The following MEGF10 variants were observed in gnomAD, a reference collection of about 807,000 sequenced individuals.
The protein encoded by MEGF10 is multiple epidermal growth factor-like domains protein 10.
Under a neutral mutation model 147.5 loss-of-function variants are expected in MEGF10, and 86 were observed. The observed-to-expected ratio is 0.58, with a 90% CI of 0.49 to 0.70. The LOEUF is 0.70. Ranked by LOEUF, MEGF10 falls within the 30% of genes least tolerant of loss-of-function variation. MEGF10 has a pLI of 0.00. For synonymous variants in MEGF10, 478 were observed against 525.5 expected (o/e 0.91, Z 1.24); for missense variants, 1,329 against 1,487.3 (o/e 0.89, Z 1.75).
rs191176629 is a variant in MEGF10, at chr5:127,360,299, A to G, written c.320-9611A>G. Among the ~76,000 whole-genome samples the G allele has an allele frequency of 2.0e-5, 3 of 152,170 alleles. No homozygotes were observed. In the East Asian group the frequency reaches 5.8e-4, roughly 29 times the overall value. Reference sequence around the variant, plus strand: ...TTCAATTTCTGATTGTTGCTAATATATAGAAATATAATTGAGGTTTTGCGT... The same window carrying G: ...TTCAATTTCTGATTGTTGCTAATATGTAGAAATATAATTGAGGTTTTGCGT... On this transcript the variant is annotated intron_variant, in intron 4 of 24. Transcript: ENST00000503335.
At chr5:127,356,564 G>A (rs1046657745) in intron 4 of MEGF10, among the ~76,000 whole-genome samples, 1 of 152,176 alleles carries the variant, frequency 6.6e-6, no homozygotes, top group African/African-American at 2.4e-5. Context: ...TAAAGATATG[G>A]CCATCAAAGT....
chr5:127,238,787 T>C, the MEGF10 span, among the ~76,000 whole-genome samples: 2 of 152,252 alleles, frequency 1.3e-5, no homozygotes, highest in Non-Finnish European at 2.9e-5. Context: ...AAGTTTTGTC[T>C]GTATAAATGA....
intron 1 of MEGF10, among the ~76,000 whole-genome samples, chr5:127,297,110 G>A (rs974552089): frequency 9.9e-5 from 15 of 152,148 alleles, no homozygotes; most frequent in African/African-American, 3.6e-4. Context: ...GGGATTACAG[G>A]CATGTGTCAA....
the MEGF10 span, among the ~76,000 whole-genome samples, chr5:127,237,824 C>T: frequency 2.0e-5 from 3 of 152,014 alleles, no homozygotes; most frequent in Non-Finnish European, 4.4e-5. Flanking sequence ...CTTCTCCCTG[C>T]TCCCTTCCTC....
the MEGF10 span, among the ~76,000 whole-genome samples, chr5:127,238,913 A>G: frequency 6.6e-6 from 1 of 152,150 alleles, no homozygotes; most frequent in Admixed American, 6.5e-5. Flanking sequence ...TGAACTCAAT[A>G]GGTTAGAAAA....
intron 4 of MEGF10, among the ~76,000 whole-genome samples, chr5:127,360,774 G>A (rs1240988702): frequency 6.6e-6 from 1 of 150,986 alleles, no homozygotes; most frequent in Non-Finnish European, 1.5e-5. Context: ...GGTCTACTTA[G>A]GTTATATATA....
At chr5:127,348,984 G>A (rs908226019) in intron 4 of MEGF10, among the ~76,000 whole-genome samples, 12 of 151,914 alleles carry the variant, frequency 7.9e-5, no homozygotes, top group East Asian at 3.9e-4. Context: ...TAATTCCAGC[G>A]CTTTGAAAGG....
At chr5:127,304,964 T>C (rs996511802) in intron 1 of MEGF10, among the ~76,000 whole-genome samples, 1 of 152,214 alleles carries the variant, frequency 6.6e-6, no homozygotes, top group African/African-American at 2.4e-5. Context: ...ACCCTGTCTA[T>C]GGTATTTTGT....
At chr5:127,386,784 A>G (rs1763451437) in intron 5 of MEGF10, among the ~76,000 whole-genome samples, 1 of 152,214 alleles carries the variant, frequency 6.6e-6, no homozygotes, top group Admixed American at 6.5e-5. Context: ...AGCTTCATAC[A>G]CAGTTGGAGG....
At chr5:127,417,180 A>C (rs1181446464) in intron 9 of MEGF10, among the ~76,000 whole-genome samples, 1 of 152,204 alleles carries the variant, frequency 6.6e-6, no homozygotes, top group East Asian at 1.9e-4. Context: ...CTGCTGTTTC[A>C]GGTGGAGACA....
chr5:127,397,065 G>A (rs962421712), intron 6 of MEGF10, among the ~76,000 whole-genome samples: 1 of 152,138 alleles, frequency 6.6e-6, no homozygotes, highest in African/African-American at 2.4e-5. Flanking sequence ...GTGTTGAATG[G>A]CACTATTTGG....
At position 127,340,548 on chromosome 5, in the gene MEGF10, C is replaced by A. The variant is rs1761640609; in HGVS notation, c.237C>A (p.Ala79=). Residue 79 remains alanine (A), a synonymous_variant, in exon 4 of 25, where the codon GCC becomes GCA. Transcript: ENST00000503335. ...TCTATAGAGTCAGCTATCGGACAGCCTATCGACATGGGGAGAAGACTATGT... is the reference window on the plus strand; with the variant it reads ...TCTATAGAGTCAGCTATCGGACAGCATATCGACATGGGGAGAAGACTATGT... The part of the protein sequence containing the change: ...CTRHRVSYRT[A]YRHGEKTMYR... 2 of 1,612,652 alleles carry A rather than the reference C, an allele frequency of 1.2e-6. No homozygotes were observed. Among genetic ancestry groups the A allele is most frequent in the Non-Finnish European group, 1.7e-6 (2 of 1,178,976 alleles).
chr5:127,319,897 A>T (rs1760725217), intron 1 of MEGF10, among the ~76,000 whole-genome samples: 1 of 152,178 alleles, frequency 6.6e-6, no homozygotes, highest in Admixed American at 6.5e-5. Flanking sequence ...GACTGACAGG[A>T]TCTTGAATTT....
At chr5:127,360,137 T>C (rs1263056841) in intron 4 of MEGF10, among the ~76,000 whole-genome samples, 2 of 152,118 alleles carry the variant, frequency 1.3e-5, no homozygotes, top group African/African-American at 4.8e-5. Context: ...ATAGATCAAA[T>C]TGATTGACAG....
the MEGF10 span, among the ~76,000 whole-genome samples, chr5:127,273,471 A>G: frequency 4.7e-4 from 71 of 152,360 alleles, no homozygotes; most frequent in East Asian, 0.013. Flanking sequence ...TGTGAGTGCC[A>G]TGCACTGCAG....
chr5:127,325,553 G>C (rs1760981278), intron 1 of MEGF10, among the ~76,000 whole-genome samples: 1 of 152,064 alleles, frequency 6.6e-6, no homozygotes. Flanking sequence ...CCACGTCTCT[G>C]TTCCCATAGC....
chr5:127,298,232 T>A (rs982932422), intron 1 of MEGF10, among the ~76,000 whole-genome samples: 1 of 152,154 alleles, frequency 6.6e-6, no homozygotes, highest in Non-Finnish European at 1.5e-5. Flanking sequence ...TTCAGCGCTG[T>A]CCTGCTGTCC....
chr5:127,402,067 A>G (rs1764154484), intron 7 of MEGF10, among the ~76,000 whole-genome samples: 2 of 152,272 alleles, frequency 1.3e-5, no homozygotes, highest in Admixed American at 6.5e-5. Context: ...TAAGAAATAA[A>G]GCCAATGATA....
intron 1 of MEGF10, among the ~76,000 whole-genome samples, chr5:127,311,328 C>G (rs1760278807): frequency 6.6e-6 from 1 of 152,184 alleles, no homozygotes; most frequent in Non-Finnish European, 1.5e-5. Flanking sequence ...AAACTAAATA[C>G]AGAGACAGCC....
Sources: gnomAD v4.1 joint callset for allele counts (sites outside exome capture counted in the v4.1 genomes callset) on GRCh38, gnomAD v4.1.1 for gene constraint, MANE v1.5 for transcripts, NCBI Gene and HGNC (gene_info 2026-07-23, HGNC 2026-07-21) for gene names.